CADPS: variants seen among roughly 807,000 people sequenced by gnomAD.
CADPS encodes the protein calcium dependent secretion activator, also known as calcium-dependent secretion activator 1.
Under a neutral mutation model 167.3 loss-of-function variants are expected in CADPS, and 57 were observed. The observed-to-expected ratio is 0.34, with a 90% CI of 0.28 to 0.42. The LOEUF is 0.42. Ranked by LOEUF, CADPS falls within the 20% of genes least tolerant of loss-of-function variation. CADPS has a pLI of 1.00. For missense variants in CADPS, 1,414 were observed against 1,738.1 expected, an observed-to-expected ratio of 0.81 and a Z score of 3.32; for synonymous variants, 676 against 635.3, an observed-to-expected ratio of 1.06 and a Z score of -0.96.
chr3:62,632,994 T>C (rs767447813), intron 6 of CADPS, among the ~76,000 whole-genome samples: 1 of 151,888 alleles, frequency 6.6e-6, no homozygotes, highest in African/African-American at 2.4e-5. Context: ...TTTAACTCAC[T>C]CAAGGTCATT....
chr3:62,652,436 CAT>C (rs953441449), intron 4 of CADPS, among the ~76,000 whole-genome samples: 1 of 146,568 alleles, frequency 6.8e-6, no homozygotes, highest in Admixed American at 6.8e-5. Flanking sequence ...AGCTGTGTAA[CAT>C]ATGGGCATCT....
chr3:62,703,540 T>C (rs992917496), intron 3 of CADPS, among the ~76,000 whole-genome samples: 2 of 152,142 alleles, frequency 1.3e-5, no homozygotes, highest in African/African-American at 4.8e-5. Context: ...GAAGCTAAAA[T>C]TGAATTCTAA....
intron 6 of CADPS, among the ~76,000 whole-genome samples, chr3:62,636,603 G>C (rs998920182): frequency 3.3e-5 from 5 of 152,208 alleles, no homozygotes; most frequent in Non-Finnish European, 4.4e-5. Flanking sequence ...TTATAGTGAA[G>C]TGAGTTCCAT....
At chr3:62,639,733 A>G (rs1233127366) in intron 6 of CADPS, among the ~76,000 whole-genome samples, 1 of 152,164 alleles carries the variant, frequency 6.6e-6, no homozygotes, top group Non-Finnish European at 1.5e-5. Context: ...TCTTGGAATA[A>G]AGTTTAAACC....
At chr3:62,665,689 T>A (rs1259760582) in intron 3 of CADPS, among the ~76,000 whole-genome samples, 1 of 152,194 alleles carries the variant, frequency 6.6e-6, no homozygotes, top group Non-Finnish European at 1.5e-5. Context: ...GACTGATTTC[T>A]TTTGGGGAGG....
chr3:62,466,984 C>T (rs2060014619), intron 24 of CADPS, among the ~76,000 whole-genome samples: 3 of 152,136 alleles, frequency 2.0e-5, no homozygotes, highest in Admixed American at 2.0e-4. Flanking sequence ...TGTGGCAAGC[C>T]ACTCATTTCC....
chr3:62,603,417 T>G (rs1241751713), intron 6 of CADPS, among the ~76,000 whole-genome samples: 2 of 152,234 alleles, frequency 1.3e-5, no homozygotes, highest in African/African-American at 4.8e-5. Flanking sequence ...TTCCAGTTGT[T>G]TAGCTCAGTG....
intron 1 of CADPS, among the ~76,000 whole-genome samples, chr3:62,854,071 C>G (rs954673878): frequency 6.6e-6 from 1 of 152,126 alleles, no homozygotes; most frequent in Admixed American, 6.5e-5. Context: ...TTCCCTACAT[C>G]TGAGCATTTT....
intron 1 of CADPS, among the ~76,000 whole-genome samples, chr3:62,819,677 T>TTA (rs2094807116): frequency 6.6e-6 from 1 of 152,096 alleles, no homozygotes; most frequent in African/African-American, 2.4e-5. Flanking sequence ...GTAACTAAGG[T>TTA]CAGTCATATG....
intron 1 of CADPS, among the ~76,000 whole-genome samples, chr3:62,767,396 G>T (rs1025616012): frequency 2.6e-5 from 4 of 152,106 alleles, no homozygotes; most frequent in African/African-American, 9.7e-5. Flanking sequence ...CTTGGAAAAT[G>T]GTGGTAATTC....
intron 8 of CADPS, among the ~76,000 whole-genome samples, chr3:62,579,585 G>C (rs1392713412): frequency 6.6e-6 from 1 of 152,114 alleles, no homozygotes; most frequent in African/African-American, 2.4e-5. Context: ...AGAAATGTTG[G>C]AGATCTGGGT....
intron 3 of CADPS, among the ~76,000 whole-genome samples, chr3:62,713,248 A>T (rs1043570979): frequency 4.3e-4 from 65 of 152,058 alleles, no homozygotes; most frequent in African/African-American, 1.5e-3. Context: ...TCTCCTGGTA[A>T]AGGACTACCA....
At chr3:62,725,453 A>C (rs1445810779) in intron 3 of CADPS, among the ~76,000 whole-genome samples, 4 of 152,246 alleles carry the variant, frequency 2.6e-5, no homozygotes, top group Non-Finnish European at 4.4e-5. Context: ...AGGAAAAGTT[A>C]GTATAGCAGG....
intron 27 of CADPS, among the ~76,000 whole-genome samples, chr3:62,444,735 T>C (rs1365474512): frequency 1.3e-5 from 2 of 152,252 alleles, no homozygotes; most frequent in African/African-American, 4.8e-5. Context: ...TTCTATTTTG[T>C]CTTCCTTTGA....
chr3:62,417,073 G>A (rs140168111), intron 28 of CADPS, among the ~76,000 whole-genome samples: 7 of 151,722 alleles, frequency 4.6e-5, no homozygotes, highest in Non-Finnish European at 1.0e-4. Flanking sequence ...TTCTAGCTTC[G>A]CATTTTTCAC....
intron 8 of CADPS, among the ~76,000 whole-genome samples, chr3:62,584,180 T>C (rs1474450765): frequency 6.6e-6 from 1 of 152,008 alleles, no homozygotes; most frequent in East Asian, 1.9e-4. Context: ...AATTTTTTTG[T>C]ATTTTTAGTA....
chr3:62,861,872 C>T (rs1364494089), intron 1 of CADPS, among the ~76,000 whole-genome samples: 2 of 152,172 alleles, frequency 1.3e-5, no homozygotes, highest in African/African-American at 2.4e-5. Flanking sequence ...TTTGCATTAT[C>T]TCATCTCTAA....
At chr3:62,686,268 A>G (rs2078017309) in intron 3 of CADPS, among the ~76,000 whole-genome samples, 1 of 152,046 alleles carries the variant, frequency 6.6e-6, no homozygotes, top group Non-Finnish European at 1.5e-5. Flanking sequence ...GTATTATAAC[A>G]CTTCAGAGGC....
intron 3 of CADPS, among the ~76,000 whole-genome samples, chr3:62,700,774 CTCAAGGCTGCACAGTTAGTAGTA>C (rs2081242850): frequency 6.6e-6 from 1 of 152,134 alleles, no homozygotes; most frequent in Admixed American, 6.6e-5. Context: ...TTTAACTGAA[CTCAAGGCTGCACAGTTAGTAGTA>C]GAAGCAGCAT....
Sources: allele counts gnomAD v4.1 joint callset (sites outside exome capture counted in the v4.1 genomes callset), GRCh38; gene constraint gnomAD v4.1.1; transcripts MANE v1.5; gene names NCBI Gene and HGNC (gene_info 2026-07-23, HGNC 2026-07-21).